Variants in TSPAN5 observed in about 807,000 individuals in gnomAD.
The protein encoded by TSPAN5 is tetraspanin 5.
A neutral mutation model predicts 37.1 loss-of-function variants in TSPAN5; 10 were observed. The observed-to-expected ratio is 0.27, with a 90% CI of 0.17 to 0.46. The LOEUF (loss-of-function observed/expected upper bound fraction) is 0.46. Ranked by LOEUF, TSPAN5 falls within the 20% of genes least tolerant of loss-of-function variation. TSPAN5 has a pLI of 1.00. For synonymous variants in TSPAN5, 110 were observed against 118.9 expected, an observed-to-expected ratio of 0.93 and a Z score of 0.48; for missense variants, 195 against 326.6, an observed-to-expected ratio of 0.60 and a Z score of 3.11.
At chr4:98,528,526 C>T (rs1754012721) in intron 1 of TSPAN5, among the ~76,000 whole-genome samples, 1 of 151,024 alleles carries the variant, frequency 6.6e-6, no homozygotes, top group Non-Finnish European at 1.5e-5. Context: ...ATAGAGAATA[C>T]CTGTTTACAT....
rs141624857 is a variant in TSPAN5, at chr4:98,472,419, G to T, written c.*103C>A. The stretch of plus-strand genomic sequence containing the variant: ...GCTCCATTAGGCGAGACTGCAGGCT[G>T]CATCTGTGATTAGGTCCATGCAGCT... On this transcript the variant is annotated 3_prime_UTR_variant, in exon 8 of 8. Transcript: ENST00000305798. 4.5e-4 allele frequency: 425 copies of T among 952,232 alleles called. 2 individuals carry two copies. The African/African-American group carries it at 6.2e-3, about 14-fold the overall frequency. The allele number at this position is 952,232 out of a possible 1,614,324, so 59.0% of individuals were successfully genotyped here.
chr4:98,658,419 C>T lies in TSPAN5; in HGVS notation c.-193G>A. 1 of 339,298 alleles carries T rather than the reference C, an allele frequency of 2.9e-6. No individual in the cohort carries two copies. Among genetic ancestry groups the T allele is most frequent in the Non-Finnish European group, 5.2e-6 (1 of 190,682 alleles). The allele number at this position is 339,298 out of a possible 1,614,324, so 21.0% of individuals were successfully genotyped here. The stretch of plus-strand genomic sequence containing the variant: ...CCCGCACCTCCAGCCCCTCGCGCGC[C>T]GAGGCCGCCGGAGCCGGGGTGGCCG... On this transcript the variant is annotated 5_prime_UTR_variant, in exon 1 of 8. Transcript: ENST00000305798.
intron 1 of TSPAN5, among the ~76,000 whole-genome samples, chr4:98,583,943 T>C (rs745950688): frequency 4.6e-5 from 7 of 152,128 alleles, no homozygotes; most frequent in Non-Finnish European, 7.3e-5. Flanking sequence ...ACAGAGAATC[T>C]GGAACTTTGC....
intron 1 of TSPAN5, among the ~76,000 whole-genome samples, chr4:98,584,341 T>C (rs1047142813): frequency 1.3e-5 from 2 of 152,222 alleles, no homozygotes; most frequent in South Asian, 2.1e-4. Context: ...AATACTCATT[T>C]CTTTTTATTT....
chr4:98,514,272 C>A (rs994240316), intron 1 of TSPAN5, among the ~76,000 whole-genome samples: 1 of 152,178 alleles, frequency 6.6e-6, no homozygotes, highest in African/African-American at 2.4e-5. Flanking sequence ...GAAGCTGCAG[C>A]ACCTGTACTC....
At chr4:98,515,604 A>G (rs1321676376) in intron 1 of TSPAN5, among the ~76,000 whole-genome samples, 1 of 151,154 alleles carries the variant, frequency 6.6e-6, no homozygotes, top group Non-Finnish European at 1.5e-5. Flanking sequence ...CACACACCCA[A>G]ACACAGAGGA....
chr4:98,552,908 A>C (rs1754655988), intron 1 of TSPAN5, among the ~76,000 whole-genome samples: 1 of 152,142 alleles, frequency 6.6e-6, no homozygotes, highest in South Asian at 2.1e-4. Context: ...AACCACAGTA[A>C]ATTTAGGATT....
intron 2 of TSPAN5, among the ~76,000 whole-genome samples, chr4:98,495,488 C>T (rs564850323): frequency 5.0e-4 from 73 of 145,342 alleles, no homozygotes; most frequent in African/African-American, 1.8e-3. Context: ...GCTGAGACTG[C>T]GAAACTGCAC....
chr4:98,514,479 C>T, intron 1 of TSPAN5, among the ~76,000 whole-genome samples: 1 of 152,210 alleles, frequency 6.6e-6, no homozygotes, highest in East Asian at 1.9e-4. Flanking sequence ...ATTCAATATG[C>T]AGAAAGTCAA....
At chr4:98,479,417 G>A (rs921487644) in intron 4 of TSPAN5, among the ~76,000 whole-genome samples, 2 of 152,202 alleles carry the variant, frequency 1.3e-5, no homozygotes, top group African/African-American at 2.4e-5. Flanking sequence ...CTGCCAGAAT[G>A]AGCCAACAGT....
intron 1 of TSPAN5, among the ~76,000 whole-genome samples, chr4:98,629,896 CA>C (rs894842082): frequency 6.6e-6 from 1 of 151,786 alleles, no homozygotes; most frequent in African/African-American, 2.4e-5. Context: ...GCTTCCCTTT[CA>C]AAAAAAAGTA....
chr4:98,652,494 T>C (rs1221774388), intron 1 of TSPAN5, among the ~76,000 whole-genome samples: 1 of 152,244 alleles, frequency 6.6e-6, no homozygotes, highest in Non-Finnish European at 1.5e-5. Context: ...TTTTCGATTA[T>C]GAACAGATGT....
chr4:98,497,716 TA>T (rs1358819658), intron 2 of TSPAN5, among the ~76,000 whole-genome samples: 1 of 5,188 alleles, frequency 1.9e-4, no homozygotes, highest in African/African-American at 1.6e-3. Context: ...AGTCAAGGGT[TA>T]TTTCTAGCAA....
chr4:98,575,030 G>GT, intron 1 of TSPAN5: 1 of 155,414 alleles, frequency 6.4e-6, no homozygotes, highest in Non-Finnish European at 1.4e-5. Context: ...GTGCAGACAA[G>GT]GGCCAGAGCC....
rs78344931 is a variant in TSPAN5, at chr4:98,480,811, G to A, written c.450+1194C>T. Among the ~76,000 whole-genome samples, 862 of 152,242 alleles carry A rather than the reference G, an allele frequency of 5.7e-3. 6 individuals carry two copies. The highest frequency in any genetic ancestry group is 0.02 in the African/African-American group (825 of 41,528). ...TAGGACCTAATAAAACAGTGAAGTC[G>A]GCTGAGGACATGAATCAGGGCTTAA... On this transcript the variant is annotated intron_variant, in intron 4 of 7. Coordinates refer to ENST00000305798, the MANE Select transcript of TSPAN5 (RefSeq NM_005723.4).
At chr4:98,585,146 A>T (rs531614147) in intron 1 of TSPAN5, among the ~76,000 whole-genome samples, 2 of 152,162 alleles carry the variant, frequency 1.3e-5, no homozygotes, top group African/African-American at 2.4e-5. Context: ...ATTCTTATAC[A>T]TTTAGGGGGT....
chr4:98,634,645 T>G (rs1269853866), intron 1 of TSPAN5, among the ~76,000 whole-genome samples: 3 of 152,202 alleles, frequency 2.0e-5, no homozygotes, highest in African/African-American at 7.2e-5. Flanking sequence ...ACCACCTCCT[T>G]TTCTTGAAAG....
chr4:98,493,827 T>A (rs1161348943), intron 2 of TSPAN5, among the ~76,000 whole-genome samples: 1 of 152,100 alleles, frequency 6.6e-6, no homozygotes, highest in Non-Finnish European at 1.5e-5. Flanking sequence ...GACCATAACA[T>A]AAAGTGCTGC....
intron 2 of TSPAN5, among the ~76,000 whole-genome samples, chr4:98,492,486 T>C (rs1753105363): frequency 6.6e-6 from 1 of 152,184 alleles, no homozygotes; most frequent in African/African-American, 2.4e-5. Context: ...GGTCTTCATT[T>C]GCATCTGCGA....
Sources: gnomAD v4.1 joint callset for allele counts (sites outside exome capture counted in the v4.1 genomes callset) on GRCh38, gnomAD v4.1.1 for gene constraint, MANE v1.5 for transcripts, NCBI Gene and HGNC (gene_info 2026-07-23, HGNC 2026-07-21) for gene names.